Variants in PRKCH observed in about 807,000 individuals in gnomAD.
PRKCH encodes the protein protein kinase C eta.
Under a neutral mutation model 82.5 loss-of-function variants are expected in PRKCH, and 28 were observed. The ratio of observed to expected loss-of-function variants is 0.34; its 90% CI spans 0.25 to 0.47. PRKCH has a LOEUF of 0.47. Ranked by LOEUF, PRKCH falls within the 20% of genes least tolerant of loss-of-function variation. PRKCH has a pLI of 1.00. For synonymous variants in PRKCH, 322 were observed against 327.4 expected (o/e 0.98, Z 0.18); for missense variants, 705 against 881.8 (o/e 0.80, Z 2.54).
At chr14:61,507,506 C>T (rs1038679601) in intron 10 of PRKCH, among the ~76,000 whole-genome samples, 3 of 152,010 alleles carry the variant, frequency 2.0e-5, no homozygotes, top group African/African-American at 7.3e-5. Flanking sequence ...GCGTTATTCA[C>T]GATAGTCAAA....
chr14:61,471,433 G>T (rs1885498539), intron 9 of PRKCH, among the ~76,000 whole-genome samples: 1 of 152,042 alleles, frequency 6.6e-6, no homozygotes, highest in Non-Finnish European at 1.5e-5. Flanking sequence ...TGGGCTTCAG[G>T]ACACATCTCT....
intron 12 of PRKCH, among the ~76,000 whole-genome samples, chr14:61,533,783 A>G (rs1284489146): frequency 1.3e-5 from 2 of 152,248 alleles, no homozygotes; most frequent in Non-Finnish European, 2.9e-5. Context: ...CGTGCCCAGG[A>G]AGTGTCCTGC....
intron 1 of PRKCH, among the ~76,000 whole-genome samples, chr14:61,237,699 C>T (rs2044802644): frequency 6.6e-6 from 1 of 152,126 alleles, no homozygotes; most frequent in Non-Finnish European, 1.5e-5. Context: ...GAACTTTCTC[C>T]CCCAACCCTT....
At chr14:61,254,535 G>C (rs2044979899) in intron 1 of PRKCH, among the ~76,000 whole-genome samples, 1 of 152,172 alleles carries the variant, frequency 6.6e-6, no homozygotes, top group Non-Finnish European at 1.5e-5. Context: ...AGAATCACTT[G>C]AGCTCGGGAG....
intron 10 of PRKCH, among the ~76,000 whole-genome samples, chr14:61,487,269 A>G (rs1249421896): frequency 6.6e-6 from 1 of 152,190 alleles, no homozygotes; most frequent in Non-Finnish European, 1.5e-5. Context: ...AGAACTGGGA[A>G]CCAGCCTGGA....
intron 12 of PRKCH, 49 bp from the exon 13 acceptor site, chr14:61,547,694 C>T (rs773266012): frequency 6.3e-7 from 1 of 1,583,374 alleles, no homozygotes; most frequent in Non-Finnish European, 8.6e-7. Flanking sequence ...TTGTGACGTG[C>T]TGGTTGTATG....
At chr14:61,495,137 C>T (rs1054712317) in intron 10 of PRKCH, among the ~76,000 whole-genome samples, 1 of 152,170 alleles carries the variant, frequency 6.6e-6, no homozygotes, top group Admixed American at 6.5e-5. Flanking sequence ...CCTTTTCAGA[C>T]CATTAGTGGA....
At chr14:61,429,377 T>A (rs1444645439) in intron 2 of PRKCH, among the ~76,000 whole-genome samples, 2 of 152,232 alleles carry the variant, frequency 1.3e-5, no homozygotes, top group Non-Finnish European at 2.9e-5. Flanking sequence ...AGACAGATGG[T>A]GAAGCAACAT....
intron 1 of PRKCH, among the ~76,000 whole-genome samples, chr14:61,355,186 A>G (rs79849097): frequency 1.2e-4 from 19 of 152,312 alleles, no homozygotes; most frequent in Non-Finnish European, 2.5e-4. Flanking sequence ...ACTTTTGCCC[A>G]TACTCTGCAG....
In PRKCH at chr14:61,279,004, CACACACACAAT is replaced by C. The variant is rs1359898865; in HGVS notation, c.-19+91337_-19+91347del. ...ACACACACACACACACACACACACA[CACACACACAAT>C]GACAAAGAACACTGAGCTAGGAGAC... On this transcript the variant is annotated intron_variant, in intron 1 of 3. Coordinates refer to the PRKCH transcript ENST00000555185. 12 of 152,098 alleles carry C rather than the reference CACACACACAAT, an allele frequency of 7.9e-5. No individual in the cohort carries two copies. In the South Asian group the frequency reaches 2.1e-3, roughly 26 times the overall value. The allele number at this position is 152,098 out of a possible 1,614,324, so 9.4% of individuals were successfully genotyped here.
chr14:61,278,669 A>C (rs1421532159), intron 1 of PRKCH: 1 of 152,222 alleles, frequency 6.6e-6, no homozygotes, highest in African/African-American at 2.4e-5. Flanking sequence ...TGGTAAGATG[A>C]TATCACAAAG....
chr14:61,391,182 T>G, intron 1 of PRKCH, 43 bp from the exon 2 acceptor site: 1 of 1,538,652 alleles, frequency 6.5e-7, no homozygotes, highest in South Asian at 1.2e-5. Flanking sequence ...ACAAAAATAT[T>G]TTAAAACTAA....
intron 9 of PRKCH, among the ~76,000 whole-genome samples, chr14:61,466,705 T>G (rs1885277222): frequency 6.6e-6 from 1 of 152,050 alleles, no homozygotes; most frequent in South Asian, 2.1e-4. Flanking sequence ...GTACTCCTCA[T>G]TGTTTTGGGA....
At position 61,280,974 on chromosome 14, in the gene PRKCH, G is replaced by GT; in HGVS notation, c.-19+93308dup. On this transcript the variant is annotated intron_variant, in intron 1 of 3. Coordinates refer to the PRKCH transcript ENST00000555185. The surrounding 1 kb of genome is among the most constrained non-coding windows in gnomAD (Gnocchi z 5.0). The stretch of plus-strand genomic sequence containing the variant: ...AGTCGTACTCCAGCTCCTTGATGCC[G>GT]TTGGAGGAGTAGTAGAGGCCCAGGC... 6.5e-7 allele frequency: 1 copy of GT among 1,542,966 alleles called. No individual in the cohort carries two copies. Among genetic ancestry groups the GT allele is most frequent in the Non-Finnish European group, 8.7e-7 (1 of 1,147,076 alleles).
intron 1 of PRKCH, among the ~76,000 whole-genome samples, chr14:61,326,219 A>G (rs7140835): frequency 0.046 from 6,955 of 152,310 alleles, 374 homozygotes; most frequent in African/African-American, 0.13. Context: ...GAATGTTTAA[A>G]CAATTGTGGT....
chr14:61,188,619 T>G (rs1350537106), intron 1 of PRKCH, among the ~76,000 whole-genome samples: 1 of 41,652 alleles, frequency 2.4e-5, no homozygotes, highest in African/African-American at 9.1e-5. Context: ...GTGGTGTGTG[T>G]GTGTGTGTGT....
intron 2 of PRKCH, among the ~76,000 whole-genome samples, chr14:61,421,572 T>A (rs1286444309): frequency 6.6e-6 from 1 of 152,164 alleles, no homozygotes; most frequent in Non-Finnish European, 1.5e-5. Context: ...ATTGACCTGC[T>A]TTTTAAATCT....
intron 2 of PRKCH, among the ~76,000 whole-genome samples, chr14:61,431,370 G>A (rs113533354): frequency 6.6e-6 from 1 of 152,152 alleles, no homozygotes; most frequent in African/African-American, 2.4e-5. Context: ...AGGGTCCTCG[G>A]ATCTCTCAAA....
At chr14:61,361,093 T>A (rs986644992) in intron 1 of PRKCH, 16 of 152,260 alleles carry the variant, frequency 1.1e-4, no homozygotes, top group Non-Finnish European at 1.5e-5. Flanking sequence ...AGGTGGGATA[T>A]TTTTTGGATT....
Sources: gnomAD v4.1 joint callset for allele counts (sites outside exome capture counted in the v4.1 genomes callset) on GRCh38, gnomAD v4.1.1 for gene constraint, Gnocchi (gnomAD v3.1) non-coding constraint, MANE v1.5 for transcripts, NCBI Gene and HGNC (gene_info 2026-07-23, HGNC 2026-07-21) for gene names.